The following LRFN5 variants were observed in gnomAD, a reference collection of about 807,000 sequenced individuals.
LRFN5 encodes leucine-rich repeat and fibronectin type-III domain-containing protein 5.
In LRFN5, 24 loss-of-function variants were observed where a neutral mutation model predicts 45.6. The observed-to-expected ratio is 0.53, with a 90% CI of 0.38 to 0.74. The LOEUF is 0.74. LRFN5 is among the 30% of genes least tolerant of loss of function. The probability of loss-of-function intolerance (pLI) is 0.00; values close to 1 mark genes in which losing one functional copy is unlikely to be tolerated. For missense variants in LRFN5, 776 were observed against 861.5 expected (o/e 0.90, Z 1.24); for synonymous variants, 340 against 313.8 (o/e 1.08, Z -0.88).
intron 2 of LRFN5, among the ~76,000 whole-genome samples, chr14:41,781,621 AGAAAGAAAGAAAG>A (rs1487345421): frequency 8.7e-4 from 93 of 107,292 alleles, no homozygotes; most frequent in African/African-American, 3.8e-3. Context: ...AGAAAGAGAA[AGAAAGAAAGAAAG>A]GAAAGAAAGA....
intron 3 of LRFN5, among the ~76,000 whole-genome samples, chr14:41,890,708 A>T (rs916596098): frequency 1.5e-5 from 2 of 130,708 alleles, no homozygotes; most frequent in African/African-American, 2.7e-5. Context: ...CTCCGTCTCA[A>T]AAAAAAAAAA....
intron 2 of LRFN5, among the ~76,000 whole-genome samples, chr14:41,846,973 T>G (rs1391957717): frequency 2.0e-5 from 3 of 152,120 alleles, no homozygotes; most frequent in African/African-American, 7.2e-5. Context: ...TCTTCAAGCT[T>G]CTTTTTGCTG....
At chr14:41,617,677 T>G (rs886135952) in intron 1 of LRFN5, among the ~76,000 whole-genome samples, 1 of 152,104 alleles carries the variant, frequency 6.6e-6, no homozygotes, top group Non-Finnish European at 1.5e-5. Flanking sequence ...GCATCCTGAG[T>G]CTGGGATATA....
intron 1 of LRFN5, among the ~76,000 whole-genome samples, chr14:41,635,965 C>A (rs1467918216): frequency 2.0e-5 from 3 of 152,140 alleles, no homozygotes; most frequent in Non-Finnish European, 4.4e-5. Context: ...TTGGAACATT[C>A]TAGTCAACCC....
chr14:41,656,962 C>T (rs1381080151), intron 1 of LRFN5, among the ~76,000 whole-genome samples: 1 of 151,780 alleles, frequency 6.6e-6, no homozygotes, highest in Admixed American at 6.6e-5. Flanking sequence ...CACGTGGATT[C>T]GTTTTAAAGT....
Position 41,643,368 on chromosome 14 carries a change from A to G in LRFN5, c.-197+34806A>G, listed in dbSNP as rs1264436034. ...TGCAATTAAAGTTTTATATTTTTACATATGCAATATCCTGTGGAGATATTG... is the reference window on the plus strand; with the variant it reads ...TGCAATTAAAGTTTTATATTTTTACGTATGCAATATCCTGTGGAGATATTG... On this transcript the variant is annotated intron_variant, in intron 1 of 5. Coordinates refer to ENST00000298119, the MANE Select transcript of LRFN5 (RefSeq NM_152447.5). Among the ~76,000 whole-genome samples, 4 of 152,308 alleles carry G rather than the reference A, an allele frequency of 2.6e-5. No individual in the cohort carries two copies. In the South Asian group the frequency reaches 6.2e-4, roughly 24 times the overall value.
chr14:41,699,130 TCAGTGCTTCTCGAACATTAACGTA>T (rs1253678406), intron 1 of LRFN5, among the ~76,000 whole-genome samples: 1 of 152,082 alleles, frequency 6.6e-6, no homozygotes, highest in Non-Finnish European at 1.5e-5. Context: ...AAGAACATGA[TCAGTGCTTCTCGAACATTAACGTA>T]CAGAGGAATC....
intron 1 of LRFN5, among the ~76,000 whole-genome samples, chr14:41,696,675 T>C (rs1415230694): frequency 2.0e-5 from 3 of 151,948 alleles, no homozygotes; most frequent in African/African-American, 4.8e-5. Flanking sequence ...AACTAACTTA[T>C]ATTCCCACTA....
chr14:41,716,060 T>C (rs1883481174), intron 1 of LRFN5, among the ~76,000 whole-genome samples: 1 of 152,184 alleles, frequency 6.6e-6, no homozygotes, highest in Non-Finnish European at 1.5e-5. Flanking sequence ...TTGCACCCTA[T>C]GAAGCCACGG....
At chr14:41,635,440 AGTT>A (rs1368675804) in intron 1 of LRFN5, among the ~76,000 whole-genome samples, 1 of 152,182 alleles carries the variant, frequency 6.6e-6, no homozygotes, top group Non-Finnish European at 1.5e-5. Context: ...CAGTTTTAAA[AGTT>A]AATACATGTA....
At chr14:41,762,986 T>C (rs1443386172) in intron 1 of LRFN5, among the ~76,000 whole-genome samples, 1 of 152,178 alleles carries the variant, frequency 6.6e-6, no homozygotes, top group African/African-American at 2.4e-5. Context: ...TACCATTTGA[T>C]GGATTCATAA....
intron 2 of LRFN5, among the ~76,000 whole-genome samples, chr14:41,881,466 C>A (rs921552924): frequency 1.3e-5 from 2 of 151,538 alleles, no homozygotes; most frequent in African/African-American, 4.8e-5. Context: ...AAATCTTTAT[C>A]TTTATATTTA....
At chr14:41,622,985 A>G (rs949907315) in intron 1 of LRFN5, among the ~76,000 whole-genome samples, 3 of 152,144 alleles carry the variant, frequency 2.0e-5, no homozygotes, top group Admixed American at 1.3e-4. Flanking sequence ...ATGATATACC[A>G]TATTTTGTAT....
intron 1 of LRFN5, among the ~76,000 whole-genome samples, chr14:41,664,431 C>T (rs1217901332): frequency 6.6e-6 from 1 of 151,840 alleles, no homozygotes; most frequent in Admixed American, 6.6e-5. Flanking sequence ...AGGTTTGAAT[C>T]TCACCAGTTT....
intron 2 of LRFN5, among the ~76,000 whole-genome samples, chr14:41,808,434 T>TGGAG (rs1887611120): frequency 1.6e-5 from 1 of 62,034 alleles, no homozygotes; most frequent in Non-Finnish European, 3.3e-5. Flanking sequence ...GAAGGAAGAA[T>TGGAG]CGAGGGAGGG....
chr14:41,891,716 TC>T lies in LRFN5; in HGVS notation c.1853del (p.Ser618Ter), dbSNP rs759742208. 1 of 1,614,210 alleles carries T rather than the reference TC, an allele frequency of 6.2e-7. No homozygotes were observed. On this transcript the variant is annotated frameshift_variant, in exon 4 of 6. Coordinates refer to ENST00000298119, the MANE Select transcript of LRFN5 (RefSeq NM_152447.5). LOFTEE classifies it high-confidence loss of function. Reference sequence around the variant, plus strand: ...TGTGATTCAATCTTCAGAAACTTGTTCGAGTCAGGACTCCTCTACCACTACC... The same window carrying T: ...TGTGATTCAATCTTCAGAAACTTGTTGAGTCAGGACTCCTCTACCACTACC... ...DNVIQSSETC[S>X]SQDSSTTTSA...
intron 1 of LRFN5, among the ~76,000 whole-genome samples, chr14:41,722,815 A>G (rs1883782088): frequency 6.6e-6 from 1 of 152,122 alleles, no homozygotes; most frequent in Non-Finnish European, 1.5e-5. Context: ...CCCTCAGACA[A>G]TGGGCTGATT....
chr14:41,769,503 C>T (rs1030314618), intron 2 of LRFN5, among the ~76,000 whole-genome samples: 41 of 151,836 alleles, frequency 2.7e-4, no homozygotes, highest in African/African-American at 8.7e-4. Flanking sequence ...TATTTATGTG[C>T]ATGTATGTGT....
At chr14:41,858,503 T>A (rs1015516478) in intron 2 of LRFN5, among the ~76,000 whole-genome samples, 12 of 152,146 alleles carry the variant, frequency 7.9e-5, no homozygotes, top group Non-Finnish European at 1.6e-4. Flanking sequence ...CTAGTAAGTT[T>A]TTTTTTTCCG....
Sources: allele counts gnomAD v4.1 joint callset (sites outside exome capture counted in the v4.1 genomes callset), GRCh38; gene constraint gnomAD v4.1.1; transcripts MANE v1.5; gene names NCBI Gene and HGNC (gene_info 2026-07-23, HGNC 2026-07-21).